The following RAPGEF6 variants were observed in gnomAD, a reference collection of about 807,000 sequenced individuals.
The protein encoded by RAPGEF6 is Rap guanine nucleotide exchange factor 6.
RAPGEF6 carries 56 observed loss-of-function variants against 171.4 expected under a neutral mutation model. That is an observed-to-expected ratio of 0.33 (90% CI 0.26 to 0.41). The LOEUF (loss-of-function observed/expected upper bound fraction) is 0.41, where lower values mean the gene tolerates loss of function less well. Ranked by LOEUF, RAPGEF6 falls within the 10% of genes least tolerant of loss-of-function variation. The probability of loss-of-function intolerance (pLI) is 1.00; values close to 1 mark genes in which losing one functional copy is unlikely to be tolerated. For synonymous variants in RAPGEF6, 692 were observed against 650.1 expected, an observed-to-expected ratio of 1.06 and a Z score of -0.98; for missense variants, 1,674 against 1,921.4, an observed-to-expected ratio of 0.87 and a Z score of 2.41.
At chr5:131,628,776 AG>A (rs1316701819) in intron 1 of RAPGEF6, among the ~76,000 whole-genome samples, 2 of 152,202 alleles carry the variant, frequency 1.3e-5, no homozygotes, top group African/African-American at 2.4e-5. Context: ...AAGGCCCTTA[AG>A]AATTATGTTA....
At chr5:131,564,105 G>A (rs552465856) in intron 4 of RAPGEF6, among the ~76,000 whole-genome samples, 11 of 152,286 alleles carry the variant, frequency 7.2e-5, no homozygotes, top group East Asian at 1.9e-4. Flanking sequence ...CAAGAGAAGC[G>A]TAACACAGCC....
intron 6 of RAPGEF6, among the ~76,000 whole-genome samples, chr5:131,529,901 CTTT>C (rs1162181624): frequency 4.2e-5 from 5 of 119,776 alleles, no homozygotes; most frequent in Non-Finnish European, 6.9e-5. Context: ...TTGTCTCCCT[CTTT>C]TTTTTTTTTT....
At chr5:131,547,189 C>T (rs763964759) in intron 6 of RAPGEF6, among the ~76,000 whole-genome samples, 11 of 152,174 alleles carry the variant, frequency 7.2e-5, no homozygotes, top group Non-Finnish European at 1.3e-4. Context: ...AATAATCTTT[C>T]TTACTCCTAA....
intron 15 of RAPGEF6, among the ~76,000 whole-genome samples, chr5:131,481,222 G>T (rs921803481): frequency 1.3e-5 from 2 of 151,516 alleles, no homozygotes; most frequent in African/African-American, 4.9e-5. Context: ...ACCATGCCTG[G>T]CCCTTTTTTT....
intron 1 of RAPGEF6, among the ~76,000 whole-genome samples, chr5:131,606,576 G>A (rs1182703786): frequency 6.6e-6 from 1 of 152,158 alleles, no homozygotes; most frequent in Non-Finnish European, 1.5e-5. Flanking sequence ...CACTGATATG[G>A]TAAACTGTAT....
intron 1 of RAPGEF6, among the ~76,000 whole-genome samples, chr5:131,622,650 C>T (rs549759536): frequency 3.9e-5 from 6 of 152,276 alleles, no homozygotes; most frequent in African/African-American, 7.2e-5. Context: ...CTCCAACACA[C>T]GTAAAATGAT....
chr5:131,595,493 G>A (rs1398991362), intron 3 of RAPGEF6, among the ~76,000 whole-genome samples: 1 of 152,122 alleles, frequency 6.6e-6, no homozygotes, highest in Non-Finnish European at 1.5e-5. Context: ...AAGTTAATTT[G>A]CTATCAGCTT....
At chr5:131,625,378 G>A (rs532290293) in intron 1 of RAPGEF6, among the ~76,000 whole-genome samples, 1 of 152,290 alleles carries the variant, frequency 6.6e-6, no homozygotes, top group African/African-American at 2.4e-5. Context: ...TGGGGGAGGA[G>A]GAGAAATTAT....
intron 6 of RAPGEF6, among the ~76,000 whole-genome samples, chr5:131,539,021 G>T (rs1440394837): frequency 6.6e-6 from 1 of 152,120 alleles, no homozygotes; most frequent in African/African-American, 2.4e-5. Flanking sequence ...GAATCACAAA[G>T]AATATACACC....
In RAPGEF6 at chr5:131,541,871, C is replaced by T. The variant is rs147836110; in HGVS notation, c.495+6176G>A. Among the ~76,000 whole-genome samples the T allele has an allele frequency of 1.1e-4, 17 of 152,300 alleles. 1 individual carries two copies. The highest frequency in any genetic ancestry group is 1.1e-3 in the Admixed American group (17 of 15,286). On this transcript the variant is annotated intron_variant, in intron 6 of 27. Transcript: ENST00000509018. ...GTTTTGGGCTAAACGAATGGCCTTG[C>T]TAACTACTATCAGATAGGCCTACAA...
At chr5:131,604,160 A>G (rs554277778) in intron 2 of RAPGEF6, among the ~76,000 whole-genome samples, 2 of 152,290 alleles carry the variant, frequency 1.3e-5, no homozygotes, top group South Asian at 4.1e-4. Flanking sequence ...CTATAATACA[A>G]CATACCATAC....
At chr5:131,469,000 C>T (rs953854013) in intron 17 of RAPGEF6, among the ~76,000 whole-genome samples, 4 of 152,058 alleles carry the variant, frequency 2.6e-5, no homozygotes, top group African/African-American at 9.7e-5. Context: ...ATAATGCATA[C>T]ATAAAACAGG....
chr5:131,490,499 A>G (rs1756209173), intron 14 of RAPGEF6, among the ~76,000 whole-genome samples: 1 of 152,212 alleles, frequency 6.6e-6, no homozygotes, highest in Admixed American at 6.5e-5. Flanking sequence ...TCCCAATGAA[A>G]TTTCTTTGTT....
chr5:131,445,021 T>G (rs1274849345), intron 22 of RAPGEF6, among the ~76,000 whole-genome samples: 1 of 152,194 alleles, frequency 6.6e-6, no homozygotes, highest in Non-Finnish European at 1.5e-5. Flanking sequence ...TTTTCCAAAT[T>G]TAATAACTTC....
chr5:131,629,945 T>C (rs946238388), intron 1 of RAPGEF6, among the ~76,000 whole-genome samples: 2 of 152,136 alleles, frequency 1.3e-5, no homozygotes, highest in Non-Finnish European at 1.5e-5. Flanking sequence ...ATTGTTCAAA[T>C]GACAACAAAG....
At chr5:131,598,976 G>A (rs1764065981) in intron 3 of RAPGEF6, among the ~76,000 whole-genome samples, 1 of 152,182 alleles carries the variant, frequency 6.6e-6, no homozygotes, top group African/African-American at 2.4e-5. Flanking sequence ...ACAAGCCTGA[G>A]TTACTCTACT....
At chr5:131,522,989 T>C (rs1237709460) in intron 6 of RAPGEF6, among the ~76,000 whole-genome samples, 1 of 152,186 alleles carries the variant, frequency 6.6e-6, no homozygotes, top group African/African-American at 2.4e-5. Context: ...ATCCTCACTA[T>C]AGGAAGAAAG....
intron 15 of RAPGEF6, among the ~76,000 whole-genome samples, chr5:131,483,348 C>A (rs368039609): frequency 6.2e-3 from 759 of 121,772 alleles, no homozygotes; most frequent in Non-Finnish European, 7.4e-3. Flanking sequence ...GACTCTGTCT[C>A]AAAAAAAAAA....
chr5:131,464,986 TATC>T (rs1280306222), intron 17 of RAPGEF6, among the ~76,000 whole-genome samples: 1 of 152,124 alleles, frequency 6.6e-6, no homozygotes, highest in Non-Finnish European at 1.5e-5. Context: ...TCCAAAAAAA[TATC>T]ATTATTTTTT....
Sources: allele counts gnomAD v4.1 joint callset (sites outside exome capture counted in the v4.1 genomes callset), GRCh38; gene constraint gnomAD v4.1.1; transcripts MANE v1.5; gene names NCBI Gene and HGNC (gene_info 2026-07-23, HGNC 2026-07-21).